Variants in ELP4 observed in about 807,000 individuals in gnomAD.
ELP4 encodes elongator acetyltransferase complex subunit 4.
Under a neutral mutation model 48.9 loss-of-function variants are expected in ELP4, and 51 were observed. The observed-to-expected ratio is 1.04, with a 90% CI of 0.83 to 1.32. The LOEUF (loss-of-function observed/expected upper bound fraction) is 1.32, where lower values mean the gene tolerates loss of function less well. Ranked by LOEUF, ELP4 falls within the 40% of genes most tolerant of loss-of-function variation. The pLI is 0.00. For missense variants in ELP4, 519 were observed against 514.6 expected (o/e 1.01, Z -0.08); for synonymous variants, 210 against 189.2 (o/e 1.11, Z -0.90).
At chr11:31,540,027 T>A (rs1355069081) in intron 3 of ELP4, among the ~76,000 whole-genome samples, 1 of 152,202 alleles carries the variant, frequency 6.6e-6, no homozygotes, top group Non-Finnish European at 1.5e-5. Context: ...AATATTAAGC[T>A]ACTAAAAACT....
intron 3 of ELP4, among the ~76,000 whole-genome samples, chr11:31,546,193 T>G (rs1317197353): frequency 2.0e-5 from 3 of 151,946 alleles, no homozygotes; most frequent in Non-Finnish European, 4.4e-5. Context: ...GACTGGCAAA[T>G]TGGATAAAGA....
At chr11:31,557,688 A>G (rs1270487480) in intron 3 of ELP4, among the ~76,000 whole-genome samples, 2 of 152,026 alleles carry the variant, frequency 1.3e-5, no homozygotes, top group African/African-American at 4.8e-5. Flanking sequence ...ATAACCCTTA[A>G]TTGACCAAAT....
chr11:31,526,042 T>G (rs1176923632), intron 2 of ELP4, among the ~76,000 whole-genome samples: 1 of 152,130 alleles, frequency 6.6e-6, no homozygotes, highest in Non-Finnish European at 1.5e-5. Flanking sequence ...CTTAAATATT[T>G]TATTGAAACA....
Position 31,591,433 on chromosome 11 carries a change from G to A in ELP4, c.382-3337G>A, listed in dbSNP as rs1005045921. 7.6e-5 allele frequency among the ~76,000 whole-genome samples: 7 copies of A among 91,986 alleles called. No individual in the cohort carries two copies. The South Asian group carries it at 2.5e-3, about 33-fold the overall frequency. The allele number at this position is 91,986 out of a possible 152,430, so 60.3% of individuals were successfully genotyped here. ...AAAAAAAAAAAAAAAGGGGGGGGGG[G>A]GGTATAAAACCATGATAGACATATT... On this transcript the variant is annotated intron_variant, in intron 3 of 9. Coordinates refer to ENST00000640961, the MANE Select transcript of ELP4 (RefSeq NM_019040.5).
chr11:31,692,874 T>C (rs962780445), intron 9 of ELP4, among the ~76,000 whole-genome samples: 1 of 152,144 alleles, frequency 6.6e-6, no homozygotes, highest in South Asian at 2.1e-4. Context: ...CAAGTCTAGA[T>C]TGAATACCTC....
At chr11:31,772,450 C>G (rs1455667620) in intron 9 of ELP4, among the ~76,000 whole-genome samples, 1 of 152,082 alleles carries the variant, frequency 6.6e-6, no homozygotes, top group Non-Finnish European at 1.5e-5. Context: ...GTTTGCCCTC[C>G]TATGTGTTGT....
At chr11:31,616,960 T>C (rs1944498924) in intron 5 of ELP4, among the ~76,000 whole-genome samples, 1 of 152,038 alleles carries the variant, frequency 6.6e-6, no homozygotes, top group African/African-American at 2.4e-5. Flanking sequence ...TGTGGAGAAA[T>C]TGGAACCCTT....
At chr11:31,539,622 C>T in intron 2 of ELP4, 40 bp from the exon 3 acceptor site, 1 of 1,553,428 alleles carries the variant, frequency 6.4e-7, no homozygotes, top group Non-Finnish European at 8.7e-7. Context: ...TGATTCTTTT[C>T]TTGCTATATG....
chr11:31,783,374 C>T lies in ELP4; in HGVS notation c.1144-19C>T. 2.5e-6 allele frequency: 4 copies of T among 1,590,106 alleles called. No homozygotes were observed. Among genetic ancestry groups the T allele is most frequent in the Admixed American group, 3.6e-5 (2 of 55,008 alleles). The stretch of plus-strand genomic sequence containing the variant: ...TCTTCTTTCTTCTTTTTTTCTTCTC[C>T]TGAAATCTTCTGCCATAGCGACTGC... On this transcript the variant is annotated intron_variant, in intron 9 of 9. Coordinates refer to ENST00000640961, the MANE Select transcript of ELP4 (RefSeq NM_019040.5).
chr11:31,689,190 T>G (rs1039158058), intron 9 of ELP4: 3 of 152,112 alleles, frequency 2.0e-5, no homozygotes, highest in African/African-American at 7.2e-5. Flanking sequence ...CTGGGTGCAG[T>G]GGCTCTCGCC....
Position 31,524,422 on chromosome 11 carries a change from T to G in ELP4, c.259+4331T>G, listed in dbSNP as rs540288316. On this transcript the variant is annotated intron_variant, in intron 2 of 9. Transcript: ENST00000640961. Reference sequence around the variant, plus strand: ...ATCTCACAAGATGGTGTCTTATTCCTTCAAAACCAAGAAGAGAGAATGTCC... The same window carrying G: ...ATCTCACAAGATGGTGTCTTATTCCGTCAAAACCAAGAAGAGAGAATGTCC... Among the ~76,000 whole-genome samples the G allele has an allele frequency of 2.6e-5, 4 of 152,360 alleles. No homozygotes were observed. In the South Asian group the frequency reaches 8.3e-4, roughly 32 times the overall value.
At chr11:31,760,105 T>C (rs1947913614) in intron 9 of ELP4, among the ~76,000 whole-genome samples, 1 of 152,208 alleles carries the variant, frequency 6.6e-6, no homozygotes. Flanking sequence ...TAAAGATATA[T>C]ACTTTTATGT....
chr11:31,646,086 C>T (rs1227744311), intron 7 of ELP4: 1 of 151,658 alleles, frequency 6.6e-6, no homozygotes, highest in Non-Finnish European at 1.5e-5. Context: ...GCCTCTGAAG[C>T]CCCTGTTATT....
chr11:31,639,677 A>G (rs751158401), intron 7 of ELP4, among the ~76,000 whole-genome samples: 1 of 151,954 alleles, frequency 6.6e-6, no homozygotes, highest in Non-Finnish European at 1.5e-5. Context: ...TGCATATTGA[A>G]TAAGAACAGG....
intron 9 of ELP4, among the ~76,000 whole-genome samples, chr11:31,735,505 C>A (rs1290895835): frequency 6.6e-6 from 1 of 152,130 alleles, no homozygotes; most frequent in African/African-American, 2.4e-5. Flanking sequence ...AAATACAGGG[C>A]ATTCAACTAA....
chr11:31,680,122 A>G (rs1331480006), intron 9 of ELP4, among the ~76,000 whole-genome samples: 1 of 152,132 alleles, frequency 6.6e-6, no homozygotes, highest in Non-Finnish European at 1.5e-5. Flanking sequence ...CTGTGACCCC[A>G]ATTATCTGAT....
At chr11:31,532,021 C>T (rs1956403083) in intron 2 of ELP4, among the ~76,000 whole-genome samples, 3 of 152,162 alleles carry the variant, frequency 2.0e-5, no homozygotes, top group African/African-American at 7.2e-5. Context: ...TAGTAGCTAA[C>T]ATTTATTGAC....
intron 4 of ELP4, 66 bp from the exon 5 acceptor site, chr11:31,603,702 G>A: frequency 6.5e-7 from 1 of 1,539,302 alleles, no homozygotes; most frequent in Non-Finnish European, 8.9e-7. Flanking sequence ...TTTGCTGGAT[G>A]TAGGACAAAT....
intron 9 of ELP4, among the ~76,000 whole-genome samples, chr11:31,665,655 CTTTTTTTTTTT>C (rs71060496): frequency 1.3e-5 from 1 of 79,660 alleles, no homozygotes; most frequent in African/African-American, 4.2e-5. Flanking sequence ...GTCTCTCTTC[CTTTTTTTTTTT>C]TTTTTTTTTT....
Sources: allele counts gnomAD v4.1 joint callset (sites outside exome capture counted in the v4.1 genomes callset), GRCh38; gene constraint gnomAD v4.1.1; transcripts MANE v1.5; gene names NCBI Gene and HGNC (gene_info 2026-07-23, HGNC 2026-07-21).